RPL18A: variants seen among roughly 807,000 people sequenced by gnomAD.
RPL18A encodes the protein large ribosomal subunit protein eL20.
For missense variants in RPL18A, 163 were observed against 254.1 expected, an observed-to-expected ratio of 0.64 and a Z score of 2.44; for synonymous variants, 122 against 96.9, an observed-to-expected ratio of 1.26 and a Z score of -1.52.
chr19:17,860,435 C>A, intron 1 of RPL18A: 2 of 162,694 alleles, frequency 1.2e-5, no homozygotes, highest in Non-Finnish European at 1.3e-5. Flanking sequence ...TGGATAGAAT[C>A]AAACGGCTCT....
At chr19:17,860,720 C>G (rs1599894626) in intron 1 of RPL18A, 1 of 154,746 alleles carries the variant, frequency 6.5e-6, no homozygotes, top group African/African-American at 2.4e-5. Flanking sequence ...AGATTCTCAC[C>G]TCTGCATCTG....
At chr19:17,860,027 C>G (rs534176904) in intron 1 of RPL18A, 53 bp downstream of exon 1, 18 of 1,450,120 alleles carry the variant, frequency 1.2e-5, no homozygotes, top group South Asian at 2.8e-5. Context: ...CGGGCCCCAT[C>G]AGGGGCCTGC....
intron 1 of RPL18A, 101 bp downstream of exon 1, chr19:17,860,075 G>C (rs1222226911): frequency 8.9e-7 from 1 of 1,121,242 alleles, no homozygotes; most frequent in Non-Finnish European, 1.2e-6. Context: ...GCGCGCTTCT[G>C]TTTGGGCCCC....
At position 17,860,222 on chromosome 19, in the gene RPL18A, G is replaced by T. The variant is rs75461514; in HGVS notation, c.18+248G>T. ...AGGACTCCGGGTCTTCTTCCCGGGG[G>T]AAGGAATAAGTCGCGCAGCATAGAG... On this transcript the variant is annotated intron_variant, in intron 1 of 4. Coordinates refer to ENST00000222247, the MANE Select transcript of RPL18A (RefSeq NM_000980.4). 48,074 of 502,976 alleles carry T rather than the reference G, an allele frequency of 0.096. 2,807 individuals carry two copies. Among genetic ancestry groups the T allele is most frequent in the Middle Eastern group, 0.13 (263 of 2,092 alleles). The allele number at this position is 502,976 out of a possible 1,614,324, so 31.2% of individuals were successfully genotyped here. A position where few individuals can be genotyped will look rare whatever the true frequency, so the allele number is the denominator to read the frequency against.
chr19:17,863,048 C>G (rs767021724), intron 4 of RPL18A, 21 bp downstream of exon 4: 1 of 1,586,692 alleles, frequency 6.3e-7, no homozygotes, highest in Non-Finnish European at 8.7e-7. Context: ...TGGGGGACTC[C>G]CCTGGAGGGA....
chr19:17,860,129 G>A, intron 1 of RPL18A, 155 bp downstream of exon 1: 1 of 634,144 alleles, frequency 1.6e-6, no homozygotes, highest in South Asian at 2.4e-5. Context: ...CAACATGGCG[G>A]CCATCGTGGG....
chr19:17,860,478 T>C (rs746615190), intron 1 of RPL18A, among the ~76,000 whole-genome samples: 3 of 152,126 alleles, frequency 2.0e-5, no homozygotes, highest in African/African-American at 2.4e-5. Context: ...TGGACTCCCA[T>C]GGAGTGGGTG....
chr19:17,861,910 C>T (rs1331278530), intron 2 of RPL18A, 184 bp from the exon 3 acceptor site: 1 of 671,382 alleles, frequency 1.5e-6, no homozygotes, highest in East Asian at 2.8e-5. Flanking sequence ...GGGAAGTTCC[C>T]TTACCTCACG....
chr19:17,862,671 T>TG (rs1393699969), intron 3 of RPL18A: 2 of 750,682 alleles, frequency 2.7e-6, no homozygotes, highest in East Asian at 2.5e-5. Flanking sequence ...TTGTCGCCTT[T>TG]GGGGGGCTGT....
At chr19:17,860,217 C>CG in intron 1 of RPL18A, 1 of 502,548 alleles carries the variant, frequency 2.0e-6, no homozygotes, top group East Asian at 3.6e-5. Flanking sequence ...GTCTTCTTCC[C>CG]GGGGGAAGGA....
intron 3 of RPL18A, chr19:17,862,652 A>G (rs779500476): frequency 2.7e-6 from 2 of 741,556 alleles, no homozygotes; most frequent in Admixed American, 1.7e-5. Flanking sequence ...TGCAAACAGC[A>G]AGCGGATCTT....
intron 1 of RPL18A, among the ~76,000 whole-genome samples, chr19:17,860,521 T>A (rs1296702709): frequency 6.6e-6 from 1 of 152,196 alleles, no homozygotes; most frequent in Non-Finnish European, 1.5e-5. Flanking sequence ...TCGGTTTCCT[T>A]GCTGTCAAAG....
intron 3 of RPL18A, 121 bp downstream of exon 3, chr19:17,862,344 A>T (rs2094278950): frequency 3.2e-6 from 4 of 1,262,854 alleles, no homozygotes; most frequent in Non-Finnish European, 4.4e-6. Flanking sequence ...GGGGCACAGG[A>T]AGACAAAAGG....
At chr19:17,862,261 C>G in intron 3 of RPL18A, 38 bp downstream of exon 3, 1 of 1,607,436 alleles carries the variant, frequency 6.2e-7, no homozygotes, top group Non-Finnish European at 8.5e-7. Context: ...TTTAGACCCT[C>G]CTTGACTCCC....
intron 2 of RPL18A, chr19:17,861,796 A>G (rs2147716039): frequency 3.7e-6 from 2 of 538,448 alleles, no homozygotes; most frequent in African/African-American, 1.9e-5. Flanking sequence ...AGTGGGTGGT[A>G]GCTAGGTTGG....
At chr19:17,861,062 G>T in intron 1 of RPL18A, 1 of 551,918 alleles carries the variant, frequency 1.8e-6, no homozygotes, top group Non-Finnish European at 3.2e-6. Flanking sequence ...AGGAGAGGCA[G>T]GCAACTCAAT....
Position 17,863,250 on chromosome 19 carries a change from A to G in RPL18A, c.518A>G (p.Asn173Ser). ...CCACGCTTCACCACCAAGAGGCCCA[A>G]CACCTTCTTCTAGGTGCAGGGCCCT... ...HKPRFTTKRP[N>S]TFF The change falls in exon 5 of 5, where the codon AAC (asparagine) becomes AGC (serine). Residue 173 changes from asparagine to serine, a missense_variant. Physicochemically the swap from Asn to Ser is conservative, Grantham distance 46 (BLOSUM62 1). Transcript: ENST00000222247. 3 of 1,590,308 alleles carry G rather than the reference A, an allele frequency of 1.9e-6. No individual in the cohort carries two copies. Among genetic ancestry groups the G allele is most frequent in the South Asian group, 1.1e-5 (1 of 90,418 alleles).
intron 1 of RPL18A, 161 bp from the exon 2 acceptor site, chr19:17,861,132 G>A (rs1379348870): frequency 3.2e-6 from 2 of 620,398 alleles, no homozygotes; most frequent in Non-Finnish European, 5.7e-6. Flanking sequence ...TTGTGGTCGG[G>A]AGTGTGACCT....
intron 1 of RPL18A, 45 bp downstream of exon 1, chr19:17,860,019 G>T: frequency 1.4e-6 from 2 of 1,475,664 alleles, no homozygotes; most frequent in Non-Finnish European, 1.8e-6. Context: ...ATGGGGCACG[G>T]GCCCCATCAG....
Sources: gnomAD v4.1 joint callset for allele counts (sites outside exome capture counted in the v4.1 genomes callset) on GRCh38, gnomAD v4.1.1 for gene constraint, MANE v1.5 for transcripts, NCBI Gene and HGNC (gene_info 2026-07-23, HGNC 2026-07-21) for gene names.